Variants in SRGAP2 observed in about 807,000 individuals in gnomAD.
SRGAP2 encodes the protein SLIT-ROBO Rho GTPase-activating protein 2.
Under a neutral mutation model 57.2 loss-of-function variants are expected in SRGAP2, and 15 were observed. The observed-to-expected ratio is 0.26, with a 90% CI of 0.18 to 0.40. The LOEUF is 0.40. Ranked by LOEUF, SRGAP2 falls within the 10% of genes least tolerant of loss-of-function variation. SRGAP2 has a pLI of 1.00. For synonymous variants in SRGAP2, 249 were observed against 248.0 expected (o/e 1.00, Z -0.04); for missense variants, 520 against 669.6 (o/e 0.78, Z 2.47).
chr1:206,412,764 A>G (rs1659329816), intron 10 of SRGAP2, among the ~76,000 whole-genome samples: 1 of 152,162 alleles, frequency 6.6e-6, no homozygotes, highest in African/African-American at 2.4e-5. Flanking sequence ...ACTTCCACCA[A>G]TTAAAGACAA....
intron 2 of SRGAP2, among the ~76,000 whole-genome samples, chr1:206,262,315 T>G (rs1669606827): frequency 6.7e-6 from 1 of 149,882 alleles, no homozygotes; most frequent in South Asian, 2.1e-4. Context: ...TTTTTTTTTT[T>G]GAAATGATTA....
chr1:206,355,133 G>A (rs1488783450), intron 4 of SRGAP2, among the ~76,000 whole-genome samples: 1 of 151,978 alleles, frequency 6.6e-6, no homozygotes, highest in African/African-American at 2.4e-5. Flanking sequence ...GTCCAAGCCA[G>A]TATCTAATGC....
intron 10 of SRGAP2, among the ~76,000 whole-genome samples, chr1:206,410,680 A>G (rs975487631): frequency 6.6e-6 from 1 of 152,170 alleles, no homozygotes. Flanking sequence ...AACGTTCTTT[A>G]TCTTGGATCT....
At chr1:206,447,560 CAGAT>C (rs2103366213) in intron 18 of SRGAP2, among the ~76,000 whole-genome samples, 1 of 152,280 alleles carries the variant, frequency 6.6e-6, no homozygotes, top group African/African-American at 2.4e-5. Context: ...TTGTCACCGA[CAGAT>C]GGTTGGTGGT....
chr1:206,410,122 C>T (rs1659082432), intron 10 of SRGAP2, among the ~76,000 whole-genome samples: 1 of 152,184 alleles, frequency 6.6e-6, no homozygotes, highest in Admixed American at 6.5e-5. Context: ...ATCAATCAAT[C>T]AGTAAATCCA....
At chr1:206,249,751 A>T (rs1446638786) in intron 2 of SRGAP2, among the ~76,000 whole-genome samples, 4 of 152,172 alleles carry the variant, frequency 2.6e-5, no homozygotes, top group Non-Finnish European at 5.9e-5. Flanking sequence ...ATTAAAGAAA[A>T]GGAAAAGAAA....
chr1:206,422,389 T>C (rs1389471355), intron 13 of SRGAP2, among the ~76,000 whole-genome samples: 4 of 152,230 alleles, frequency 2.6e-5, no homozygotes, highest in Non-Finnish European at 5.9e-5. Flanking sequence ...TTTTAAATTA[T>C]AAAAATTTAA....
At chr1:206,410,701 T>G (rs1659142223) in intron 10 of SRGAP2, among the ~76,000 whole-genome samples, 3 of 152,240 alleles carry the variant, frequency 2.0e-5, no homozygotes, top group African/African-American at 7.2e-5. Context: ...TATTTTTATG[T>G]TAGTCCCAAA....
At chr1:206,428,233 A>G (rs1660975374) in intron 13 of SRGAP2, among the ~76,000 whole-genome samples, 1 of 151,886 alleles carries the variant, frequency 6.6e-6, no homozygotes, top group African/African-American at 2.4e-5. Flanking sequence ...TGGCTAACAC[A>G]ATGAAACCCT....
intron 13 of SRGAP2, among the ~76,000 whole-genome samples, chr1:206,427,297 G>A (rs1660882077): frequency 1.3e-5 from 2 of 152,124 alleles, no homozygotes; most frequent in African/African-American, 4.8e-5. Flanking sequence ...CCTTAGAATA[G>A]GGAAGAGAAG....
chr1:206,328,331 G>A (rs1200692877), intron 3 of SRGAP2, among the ~76,000 whole-genome samples: 1 of 117,246 alleles, frequency 8.5e-6, no homozygotes, highest in Admixed American at 9.1e-5. Flanking sequence ...CCAGTAATGC[G>A]ATGGCTGGGT....
intron 18 of SRGAP2, among the ~76,000 whole-genome samples, chr1:206,447,854 G>T (rs1391929068): frequency 6.6e-6 from 1 of 152,250 alleles, no homozygotes; most frequent in African/African-American, 2.4e-5. Flanking sequence ...TCCTGGAGGG[G>T]TGTGGCTCAC....
Position 206,286,836 on chromosome 1 carries a change from C to T in SRGAP2, c.68-16445C>T, listed in dbSNP as rs1481535766. 2.9e-3 allele frequency among the ~76,000 whole-genome samples: 438 copies of T among 151,050 alleles called. 1 individual carries two copies. Among genetic ancestry groups the T allele is most frequent in the African/African-American group, 0.01 (427 of 40,804 alleles). ...TGCCATGTTCTATGACCAGAGAGGC[C>T]AGTGTAGCTGGGGGCCAGTGAGTAA... On this transcript the variant is annotated intron_variant, in intron 2 of 22. Coordinates refer to ENST00000573034, the MANE Select transcript of SRGAP2 (RefSeq NM_015326.5).
At chr1:206,397,622 C>T (rs1479071386) in intron 7 of SRGAP2, among the ~76,000 whole-genome samples, 2 of 145,928 alleles carry the variant, frequency 1.4e-5, no homozygotes, top group Non-Finnish European at 3.0e-5. Flanking sequence ...GCATCTGCCA[C>T]ACTGGGGAAA....
chr1:206,447,234 G>A (rs1219924092), intron 18 of SRGAP2, among the ~76,000 whole-genome samples: 1 of 152,032 alleles, frequency 6.6e-6, no homozygotes, highest in Non-Finnish European at 1.5e-5. Flanking sequence ...TGAGCTGAAA[G>A]CACAAGCCAG....
chr1:206,327,706 T>A (rs181346846), intron 3 of SRGAP2, among the ~76,000 whole-genome samples: 1 of 115,314 alleles, frequency 8.7e-6, no homozygotes, highest in Non-Finnish European at 1.7e-5. Flanking sequence ...TAAACAGTTA[T>A]TCATTTTTGT....
At chr1:206,409,813 A>C (rs1414740137) in intron 10 of SRGAP2, among the ~76,000 whole-genome samples, 2 of 150,042 alleles carry the variant, frequency 1.3e-5, no homozygotes, top group Non-Finnish European at 3.0e-5. Flanking sequence ...AAAATAAATA[A>C]ATCTGCTGGG....
intron 10 of SRGAP2, among the ~76,000 whole-genome samples, chr1:206,414,995 A>G (rs1659561889): frequency 6.6e-6 from 1 of 152,190 alleles, no homozygotes; most frequent in African/African-American, 2.4e-5. Context: ...TGTATTGTCA[A>G]ACTGCCTGTA....
chr1:206,457,215 C>T (rs1216742233), intron 21 of SRGAP2, among the ~76,000 whole-genome samples: 1 of 152,078 alleles, frequency 6.6e-6, no homozygotes, highest in Non-Finnish European at 1.5e-5. Flanking sequence ...AAAAGGAAAT[C>T]AGCAAAGAGC....
Sources: gnomAD v4.1 joint callset for allele counts (sites outside exome capture counted in the v4.1 genomes callset) on GRCh38, gnomAD v4.1.1 for gene constraint, MANE v1.5 for transcripts, NCBI Gene and HGNC (gene_info 2026-07-23, HGNC 2026-07-21) for gene names.